The following SNX14 variants were observed in gnomAD, a reference collection of about 807,000 sequenced individuals.
The protein encoded by SNX14 is sorting nexin-14.
SNX14 carries 93 observed loss-of-function variants against 133.8 expected under a neutral mutation model. That is an observed-to-expected ratio of 0.70 (90% CI 0.59 to 0.83). The LOEUF (loss-of-function observed/expected upper bound fraction) is 0.83, where lower values mean the gene tolerates loss of function less well. SNX14 is among the 40% of genes least tolerant of loss of function. The probability of loss-of-function intolerance (pLI) is 0.00; values close to 1 mark genes in which losing one functional copy is unlikely to be tolerated. For synonymous variants in SNX14, 368 were observed against 365.6 expected, an observed-to-expected ratio of 1.01 and a Z score of -0.07; for missense variants, 945 against 1,094.9, an observed-to-expected ratio of 0.86 and a Z score of 1.93.
At chr6:85,518,497 T>A (rs1582544151) in intron 21 of SNX14, among the ~76,000 whole-genome samples, 1 of 152,338 alleles carries the variant, frequency 6.6e-6, no homozygotes, top group Non-Finnish European at 1.5e-5. Flanking sequence ...CAGTAGTTTA[T>A]ATTCTGAATT....
In SNX14 at chr6:85,593,739, G is replaced by C; in HGVS notation, c.-21C>G. On this transcript the variant is annotated 5_prime_UTR_variant, in exon 1 of 29. Coordinates refer to ENST00000314673, the MANE Select transcript of SNX14 (RefSeq NM_153816.6). ...ACCATCTCCGTAACGGCGAGGCCGAGACTGCGCTACTGGCTGAGGCAGAGG... is the reference window on the plus strand; with the variant it reads ...ACCATCTCCGTAACGGCGAGGCCGACACTGCGCTACTGGCTGAGGCAGAGG... The C allele has an allele frequency of 3.1e-6, 5 of 1,613,104 alleles. No individual in the cohort carries two copies. Among genetic ancestry groups the C allele is most frequent in the Non-Finnish European group, 4.2e-6 (5 of 1,179,900 alleles).
Position 85,517,766 on chromosome 6 carries a change from T to C in SNX14, c.2258A>G (p.Asn753Ser). ...ELTILSPTSE[N>S]NKKLFNDLFK... Reference sequence around the variant, plus strand: ...TGCAATGTGCAGTACCTTCTTGTTGTTTTCTGAAGTAGGGCTGAGAATGGT... The same window carrying C: ...TGCAATGTGCAGTACCTTCTTGTTGCTTTCTGAAGTAGGGCTGAGAATGGT... Residue 753 changes from asparagine (N) to serine (S), a missense_variant, in exon 23 of 29, where the codon AAC becomes AGC. Asn to Ser is a conservative substitution (Grantham distance 46, BLOSUM62 1). Around this residue, in one of 3 missense-constraint regions of SNX14, gnomAD observed 412 missense variants for 516.6 expected, o/e 0.80. Transcript: ENST00000314673. 1 of 1,597,906 alleles carries C rather than the reference T, an allele frequency of 6.3e-7. No individual in the cohort carries two copies. Among genetic ancestry groups the C allele is most frequent in the South Asian group, 1.1e-5 (1 of 87,208 alleles).
In SNX14 at chr6:85,537,442, T is replaced by C. The variant is rs188833132; in HGVS notation, c.1476-518A>G. 3.5e-3 allele frequency among the ~76,000 whole-genome samples: 533 copies of C among 152,292 alleles called. 3 individuals are homozygous for C. Among genetic ancestry groups the C allele is most frequent in the African/African-American group, 0.012 (509 of 41,562 alleles). On this transcript the variant is annotated intron_variant, in intron 16 of 28. Coordinates refer to ENST00000314673, the MANE Select transcript of SNX14 (RefSeq NM_153816.6). ...TAGTGCCAAAGGGAAAGGTTAGCAA[T>C]GAGCACAGGGATAAAAGCAAATGTA...
intron 6 of SNX14, among the ~76,000 whole-genome samples, chr6:85,563,236 CAG>C (rs1244579784): frequency 2.6e-5 from 4 of 151,870 alleles, no homozygotes; most frequent in Non-Finnish European, 5.9e-5. Flanking sequence ...TTACTAGTGG[CAG>C]AGATATTATA....
chr6:85,509,738 C>A (rs1772128521), intron 26 of SNX14, among the ~76,000 whole-genome samples: 1 of 152,086 alleles, frequency 6.6e-6, no homozygotes, highest in Non-Finnish European at 1.5e-5. Context: ...TTCTGTGGGT[C>A]TGGACAAATA....
chr6:85,558,674 G>A (rs1168523693), intron 6 of SNX14, among the ~76,000 whole-genome samples: 1 of 152,018 alleles, frequency 6.6e-6, no homozygotes, highest in Non-Finnish European at 1.5e-5. Context: ...ATGTTGCCCA[G>A]GCTGGTCTCC....
At position 85,531,279 on chromosome 6, in the gene SNX14, T is replaced by C. The variant is rs576442776; in HGVS notation, c.1811-1004A>G. ...TTGAACAAATAACACCACTGTATCTTACAGTGCTTAGATGTAGAATAACAA... is the reference window on the plus strand; with the variant it reads ...TTGAACAAATAACACCACTGTATCTCACAGTGCTTAGATGTAGAATAACAA... On this transcript the variant is annotated intron_variant, in intron 18 of 28. Transcript: ENST00000314673. 6.6e-5 allele frequency among the ~76,000 whole-genome samples: 10 copies of C among 152,338 alleles called. No homozygotes were observed. In the South Asian group the frequency reaches 2.1e-3, roughly 32 times the overall value.
chr6:85,513,272 G>A (rs1228238943), intron 26 of SNX14, among the ~76,000 whole-genome samples: 1 of 152,196 alleles, frequency 6.6e-6, no homozygotes, highest in East Asian at 1.9e-4. Flanking sequence ...CAGAGGAGGT[G>A]ACCATCCTCC....
chr6:85,523,308 G>A (rs751852459), intron 21 of SNX14, among the ~76,000 whole-genome samples: 1 of 152,142 alleles, frequency 6.6e-6, no homozygotes, highest in African/African-American at 2.4e-5. Flanking sequence ...TGTTACATAA[G>A]ATAAACTGAT....
intron 26 of SNX14, among the ~76,000 whole-genome samples, chr6:85,512,814 C>CAA (rs1773422756): frequency 6.6e-6 from 1 of 152,148 alleles, no homozygotes; most frequent in South Asian, 2.1e-4. Flanking sequence ...TGATTCTCTC[C>CAA]AACCTTGGGG....
Position 85,514,243 on chromosome 6 carries a change from G to A in SNX14, c.2393-9C>T. ...CTGGAAAACTACCCGTCCTGAGAAA[G>A]GATCAAATGGGATACCTCATTGTTC... is the stretch of plus-strand genomic sequence containing the variant. On this transcript the variant is annotated splice_polypyrimidine_tract_variant and intron_variant, in intron 24 of 28. Coordinates refer to ENST00000314673, the MANE Select transcript of SNX14 (RefSeq NM_153816.6). 6.2e-7 allele frequency: 1 copy of A among 1,600,818 alleles called. No individual in the cohort carries two copies. The highest frequency in any genetic ancestry group is 8.5e-7 in the Non-Finnish European group (1 of 1,175,930).
intron 26 of SNX14, among the ~76,000 whole-genome samples, chr6:85,508,635 T>C (rs1000254440): frequency 1.9e-4 from 29 of 152,172 alleles, no homozygotes; most frequent in African/African-American, 6.5e-4. Flanking sequence ...GACTTTTGCA[T>C]AAGTTACTAT....
chr6:85,534,325 C>T (rs1781174745), intron 17 of SNX14, among the ~76,000 whole-genome samples: 1 of 152,176 alleles, frequency 6.6e-6, no homozygotes, highest in African/African-American at 2.4e-5. Context: ...GATCACAAAC[C>T]AATTTAGGAT....
In SNX14 at chr6:85,530,815, C is replaced by CT. The variant is rs557340642; in HGVS notation, c.1811-541dup. Among the ~76,000 whole-genome samples, 18 of 152,128 alleles carry CT rather than the reference C, an allele frequency of 1.2e-4. No homozygotes were observed. The South Asian group carries it at 3.7e-3, about 31-fold the overall frequency. ...TATTTATGAAGTTATCTCAAATATACTTTTTCTATAACAGAATCAGAGCTG... is the reference window on the plus strand; with the variant it reads ...TATTTATGAAGTTATCTCAAATATACTTTTTTCTATAACAGAATCAGAGCTG... On this transcript the variant is annotated intron_variant, in intron 18 of 28. Coordinates refer to ENST00000314673, the MANE Select transcript of SNX14 (RefSeq NM_153816.6).
intron 1 of SNX14, chr6:85,581,132 C>G (rs1021269939): frequency 2.6e-5 from 4 of 152,390 alleles, no homozygotes; most frequent in Admixed American, 6.5e-5. Context: ...CTCCAGGAAG[C>G]TCAGCACAGA....
intron 1 of SNX14, among the ~76,000 whole-genome samples, chr6:85,575,460 T>C (rs1797027333): frequency 6.6e-6 from 1 of 152,232 alleles, no homozygotes; most frequent in African/African-American, 2.4e-5. Context: ...CACATTGTTA[T>C]TCTTTAGTGC....
intron 9 of SNX14, among the ~76,000 whole-genome samples, 186 bp downstream of exon 9, chr6:85,548,115 T>TA (rs1210219459): frequency 6.6e-6 from 1 of 152,152 alleles, no homozygotes; most frequent in Non-Finnish European, 1.5e-5. Flanking sequence ...AATGAGGAGT[T>TA]ATTGTTAACA....
chr6:85,574,157 T>G (rs539401263), intron 2 of SNX14, 101 bp downstream of exon 2: 2 of 1,024,484 alleles, frequency 2.0e-6, no homozygotes, highest in South Asian at 7.5e-5. Flanking sequence ...GAAAACAAAT[T>G]TTGTAAATTA....
chr6:85,562,685 G>T (rs1239112021), intron 6 of SNX14, among the ~76,000 whole-genome samples: 5 of 149,334 alleles, frequency 3.3e-5, no homozygotes, highest in African/African-American at 1.2e-4. Context: ...CACCGCCCAG[G>T]TTCAAGCGAT....
Sources: gnomAD v4.1 joint callset for allele counts (sites outside exome capture counted in the v4.1 genomes callset) on GRCh38, gnomAD v4.1.1 for gene constraint, gnomAD v4.1.1 regional missense constraint, MANE v1.5 for transcripts, NCBI Gene and HGNC (gene_info 2026-07-23, HGNC 2026-07-21) for gene names.